OSBPL10: variants seen among roughly 807,000 people sequenced by gnomAD.
OSBPL10 encodes oxysterol-binding protein-related protein 10.
A neutral mutation model predicts 81.7 loss-of-function variants in OSBPL10; 49 were observed. The observed-to-expected ratio is 0.60, with a 90% confidence interval of 0.48 to 0.76. The LOEUF (loss-of-function observed/expected upper bound fraction) is 0.76. Among genes scored for constraint, OSBPL10 ranks in the 30% least tolerant of loss-of-function variants. The pLI, the probability that OSBPL10 is intolerant of heterozygous loss-of-function variation, is 0.00. For missense variants in OSBPL10, 923 were observed against 987.8 expected, an observed-to-expected ratio of 0.93 and a Z score of 0.88; for synonymous variants, 419 against 383.6, an observed-to-expected ratio of 1.09 and a Z score of -1.08.
intron 3 of OSBPL10, among the ~76,000 whole-genome samples, chr3:31,858,027 G>A (rs1313445599): frequency 1.9e-4 from 28 of 147,500 alleles, no homozygotes; most frequent in Non-Finnish European, 1.5e-4. Context: ...ACAAGGTCTC[G>A]TTCTATTGCC....
chr3:31,858,119 C>G (rs1273772009), intron 3 of OSBPL10, among the ~76,000 whole-genome samples: 1 of 151,594 alleles, frequency 6.6e-6, no homozygotes, highest in Non-Finnish European at 1.5e-5. Context: ...ATCTCAGCCT[C>G]CCGAGTATCT....
intron 6 of OSBPL10, among the ~76,000 whole-genome samples, chr3:31,729,726 T>C (rs1696910510): frequency 6.6e-6 from 1 of 152,174 alleles, no homozygotes; most frequent in South Asian, 2.1e-4. Flanking sequence ...GCCGGCACCT[T>C]AGACTTTTAA....
At chr3:31,996,235 T>C (rs976187) in intron 2 of OSBPL10, among the ~76,000 whole-genome samples, 1 of 151,956 alleles carries the variant, frequency 6.6e-6, no homozygotes, top group Non-Finnish European at 1.5e-5. Flanking sequence ...AGGGGGAAAA[T>C]ACAATTCAAT....
intron 4 of OSBPL10, chr3:31,795,907 C>G (rs958231117): frequency 4.2e-6 from 1 of 237,642 alleles, no homozygotes; most frequent in Non-Finnish European, 9.5e-6. Context: ...TACTGTGCAT[C>G]AGAGGGTTCA....
At chr3:31,995,024 A>G (rs1270505283) in intron 2 of OSBPL10, among the ~76,000 whole-genome samples, 2 of 152,192 alleles carry the variant, frequency 1.3e-5, no homozygotes, top group Non-Finnish European at 2.9e-5. Flanking sequence ...GGGGTATATG[A>G]ATAGGGAGTA....
At chr3:31,945,216 T>G (rs921692559) in intron 1 of OSBPL10, among the ~76,000 whole-genome samples, 1 of 151,700 alleles carries the variant, frequency 6.6e-6, no homozygotes, top group African/African-American at 2.4e-5. Flanking sequence ...CAGGGTCATT[T>G]TGGGAGGAGA....
chr3:31,706,814 T>C (rs757211693), intron 6 of OSBPL10, among the ~76,000 whole-genome samples: 2 of 152,220 alleles, frequency 1.3e-5, no homozygotes, highest in Non-Finnish European at 2.9e-5. Context: ...GGAAAAAGCA[T>C]GAAATAGACA....
At chr3:31,792,956 C>T (rs967188114) in intron 4 of OSBPL10, among the ~76,000 whole-genome samples, 2 of 151,000 alleles carry the variant, frequency 1.3e-5, no homozygotes, top group African/African-American at 2.4e-5. Flanking sequence ...CTGGAAGTAC[C>T]AGGGTCTGAC....
chr3:31,781,579 T>C (rs932665457), intron 4 of OSBPL10, among the ~76,000 whole-genome samples: 2 of 152,194 alleles, frequency 1.3e-5, no homozygotes, highest in Non-Finnish European at 2.9e-5. Context: ...AAAAAGCTCC[T>C]AGATCTGATA....
At chr3:31,966,996 A>G (rs1233065082) in intron 1 of OSBPL10, among the ~76,000 whole-genome samples, 2 of 152,048 alleles carry the variant, frequency 1.3e-5, no homozygotes, top group African/African-American at 2.4e-5. Context: ...GTTCATGGAC[A>G]ATCTCTGAGG....
chr3:31,999,979 A>G (rs767544773), intron 2 of OSBPL10, among the ~76,000 whole-genome samples: 4 of 152,128 alleles, frequency 2.6e-5, no homozygotes, highest in Non-Finnish European at 5.9e-5. Flanking sequence ...GACTTTAAAT[A>G]TCTAGTGGTG....
intron 4 of OSBPL10, among the ~76,000 whole-genome samples, chr3:31,756,228 A>G (rs565535738): frequency 2.2e-4 from 34 of 152,276 alleles, no homozygotes; most frequent in Non-Finnish European, 3.8e-4. Flanking sequence ...ACTCTGACAC[A>G]TGCTCCTGTG....
chr3:31,754,752 A>T (rs949523482), intron 4 of OSBPL10, among the ~76,000 whole-genome samples: 1 of 152,164 alleles, frequency 6.6e-6, no homozygotes, highest in Non-Finnish European at 1.5e-5. Context: ...GGCAATGAAT[A>T]AACAAATGGG....
intron 3 of OSBPL10, among the ~76,000 whole-genome samples, chr3:31,859,115 A>C (rs1239541422): frequency 6.6e-6 from 1 of 152,232 alleles, no homozygotes; most frequent in African/African-American, 2.4e-5. Flanking sequence ...TTGAGATTAC[A>C]AAGCTAGGTA....
At chr3:31,853,900 C>T (rs1700837561) in intron 3 of OSBPL10, among the ~76,000 whole-genome samples, 1 of 152,194 alleles carries the variant, frequency 6.6e-6, no homozygotes, top group South Asian at 2.1e-4. Context: ...CAACCTAAGG[C>T]AGTTATTTAT....
chr3:31,970,581 C>T (rs1698530365), intron 1 of OSBPL10, among the ~76,000 whole-genome samples: 1 of 152,184 alleles, frequency 6.6e-6, no homozygotes, highest in Non-Finnish European at 1.5e-5. Flanking sequence ...AGCCATGCAT[C>T]CAGCTAAAAA....
At position 31,702,549 on chromosome 3, in the gene OSBPL10, T is replaced by A. The variant is rs17028018; in HGVS notation, c.1096-41A>T. ...CAATAAAAATCACCAGCTGGCCCAA[T>A]AGAAGTTAGAAATAAAGTGTATGAA... On this transcript the variant is annotated intron_variant, in intron 6 of 11. Coordinates refer to ENST00000396556, the MANE Select transcript of OSBPL10 (RefSeq NM_017784.5). 9 of 1,610,270 alleles carry A rather than the reference T, an allele frequency of 5.6e-6. No individual in the cohort carries two copies. In the African/African-American group the frequency reaches 1.1e-4, roughly 19 times the overall value.
intron 1 of OSBPL10, among the ~76,000 whole-genome samples, chr3:31,933,278 G>A (rs745692130): frequency 3.9e-5 from 6 of 152,106 alleles, no homozygotes; most frequent in African/African-American, 1.2e-4. Flanking sequence ...GTAAGTTCTC[G>A]ATCCCTTCAG....
At chr3:31,931,058 G>A (rs908898980) in intron 1 of OSBPL10, among the ~76,000 whole-genome samples, 1 of 146,992 alleles carries the variant, frequency 6.8e-6, no homozygotes, top group Non-Finnish European at 1.5e-5. Context: ...AAAAAAGAGT[G>A]CTCACACCTA....
Sources: allele counts gnomAD v4.1 joint callset (sites outside exome capture counted in the v4.1 genomes callset), GRCh38; gene constraint gnomAD v4.1.1; transcripts MANE v1.5; gene names NCBI Gene and HGNC (gene_info 2026-07-23, HGNC 2026-07-21).